The following ZNRD2 variants were observed in gnomAD, a reference collection of about 807,000 sequenced individuals.
The protein encoded by ZNRD2 is protein ZNRD2.
In ZNRD2, 16 loss-of-function variants were observed where a neutral mutation model predicts 22.0. That is an observed-to-expected ratio of 0.73 (90% confidence interval 0.49 to 1.11). ZNRD2 has a LOEUF of 1.11. ZNRD2 is among the 50% of genes least tolerant of loss of function. ZNRD2 has a pLI of 0.00. For missense variants in ZNRD2, 269 were observed against 258.9 expected, an observed-to-expected ratio of 1.04 and a Z score of -0.27; for synonymous variants, 105 against 109.8, an observed-to-expected ratio of 0.96 and a Z score of 0.27.
Position 65,570,976 on chromosome 11 carries a change from A to C in ZNRD2, c.256+6A>C. On this transcript the variant is annotated splice_donor_region_variant and intron_variant, in intron 3 of 3. Coordinates refer to ENST00000309328, the MANE Select transcript of ZNRD2 (RefSeq NM_006396.3). ...CGTGGATAAAGATAATCCCGGTAAG[A>C]GTAAAAAATAATCCGGGAGAGGGGC... The C allele has an allele frequency of 1.2e-6, 2 of 1,613,646 alleles. No homozygotes were observed. The highest frequency in any genetic ancestry group is 1.7e-6 in the Non-Finnish European group (2 of 1,179,614).
In ZNRD2 at chr11:65,571,447, T is replaced by A; in HGVS notation, c.313T>A (p.Ser105Thr). The change falls in exon 4 of 4, where the codon TCA becomes ACA. Residue 105 changes from serine to threonine, a missense_variant. Physicochemically the swap from Ser to Thr is moderately conservative, Grantham distance 58. Coordinates refer to ENST00000309328, the MANE Select transcript of ZNRD2 (RefSeq NM_006396.3). Reference protein sequence around the residue: ...QAREHQLASASELPLGSRPAP... With the variant: ...QAREHQLASATELPLGSRPAP... Reference sequence around the variant, plus strand: ...TCGGGAGCACCAGCTGGCCTCAGCCTCAGAGCTCCCCCTGGGCTCTCGACC... The same window carrying A: ...TCGGGAGCACCAGCTGGCCTCAGCCACAGAGCTCCCCCTGGGCTCTCGACC... 6.2e-7 allele frequency: 1 copy of A among 1,612,760 alleles called. No homozygotes were observed. Among genetic ancestry groups the A allele is most frequent in the Non-Finnish European group, 8.5e-7 (1 of 1,179,280 alleles).
Position 65,571,689 on chromosome 11 carries a change from C to T in ZNRD2, c.555C>T (p.Arg185=), listed in dbSNP as rs1857131551. The T allele has an allele frequency of 9.9e-6, 16 of 1,613,676 alleles. No individual in the cohort carries two copies. The highest frequency in any genetic ancestry group is 3.3e-5 in the South Asian group (3 of 91,082). ...GCATCCAGCTGTGTGGCCTTATCCG[C>T]GCATGTGCGGAGGCCCTGCGCAGCC... The part of the protein sequence containing the change: ...ETSIQLCGLI[R]ACAEALRSLQ... The change falls in exon 4 of 4, where the codon CGC becomes CGT. Residue 185 remains arginine (R), a synonymous_variant. Transcript: ENST00000309328.
chr11:65,571,577 A>T lies in ZNRD2; in HGVS notation c.443A>T (p.Asp148Val). ...PPAPAVPPNT[D>V]VMACTQTALL... is the part of the protein sequence containing the mutation. ...GCTCCTGCTGTGCCTCCAAATACAGATGTCATGGCCTGCACACAGACAGCC... is the reference window on the plus strand; with the variant it reads ...GCTCCTGCTGTGCCTCCAAATACAGTTGTCATGGCCTGCACACAGACAGCC... Residue 148 changes from aspartate (D) to valine (V), a missense_variant, in exon 4 of 4, where the codon GAT becomes GTT. By Grantham distance (152) the Asp-to-Val change is radical. Coordinates refer to ENST00000309328, the MANE Select transcript of ZNRD2 (RefSeq NM_006396.3). 6.2e-7 allele frequency: 1 copy of T among 1,614,058 alleles called. No homozygotes were observed. Among genetic ancestry groups the T allele is most frequent in the Non-Finnish European group, 8.5e-7 (1 of 1,180,024 alleles).
intron 3 of ZNRD2, 144 bp downstream of exon 3, chr11:65,571,114 T>G: frequency 1.2e-6 from 1 of 865,228 alleles, no homozygotes; most frequent in Non-Finnish European, 1.8e-6. Context: ...TTATTTCTCC[T>G]TTAGGCTCTA....
chr11:65,570,866 G>C lies in ZNRD2; in HGVS notation c.172-20G>C. 9 of 1,614,066 alleles carry C rather than the reference G, an allele frequency of 5.6e-6. No homozygotes were observed. The highest frequency in any genetic ancestry group is 7.6e-6 in the Non-Finnish European group (9 of 1,179,944). On this transcript the variant is annotated intron_variant, in intron 2 of 3. Transcript: ENST00000309328. ...ATTGCCGGCGTCTCATTCCGGCCCC[G>C]TGTGCTTTTTGGTCCGTAGACGATC...
At chr11:65,570,807 C>T (rs745695754) in intron 2 of ZNRD2, 52 bp downstream of exon 2, 3 of 1,612,582 alleles carry the variant, frequency 1.9e-6, no homozygotes, top group South Asian at 2.2e-5. Flanking sequence ...GGCCAGGCCA[C>T]TCAGCCCTTC....
At position 65,570,674 on chromosome 11, in the gene ZNRD2, G is replaced by T; in HGVS notation, c.90G>T (p.Arg30=). ...AGGTGCTGCAGGCGCGACGGGAGCG[G>T]CAAGATCGCATCTCCCGGCTCATGG... is the stretch of plus-strand genomic sequence containing the variant. ...ETKVLQARRE[R]QDRISRLMGD... is the part of the protein sequence containing the mutation. The change falls in exon 2 of 4, where the codon CGG becomes CGT. Residue 30 remains arginine (R), a synonymous_variant. Coordinates refer to ENST00000309328, the MANE Select transcript of ZNRD2 (RefSeq NM_006396.3). 1 of 1,613,800 alleles carries T rather than the reference G, an allele frequency of 6.2e-7. No homozygotes were observed.
rs989927220 is a variant in ZNRD2 at position 65,571,068 on chromosome 11, G to C, written c.256+98G>C. ...GGCCCGAGAACAGTAGGGCTGAGAG[G>C]TGACAGTGGAGTCTCTGGGTGGGGT... On this transcript the variant is annotated intron_variant, in intron 3 of 3. Transcript: ENST00000309328. 1.5e-5 allele frequency: 17 copies of C among 1,171,020 alleles called. No homozygotes were observed. In the South Asian group the frequency reaches 2.1e-4, roughly 15 times the overall value. The allele number at this position is 1,171,020 out of a possible 1,614,324, so 72.5% of individuals were successfully genotyped here.
At chr11:65,571,092 G>A (rs552562828) in intron 3 of ZNRD2, 122 bp downstream of exon 3, 3 of 970,018 alleles carry the variant, frequency 3.1e-6, no homozygotes, top group South Asian at 3.2e-5. Flanking sequence ...TCTGGGTGGG[G>A]TAGAAGTAAA....
At position 65,571,496 on chromosome 11, in the gene ZNRD2, G is replaced by A. The variant is rs1466178029; in HGVS notation, c.362G>A (p.Arg121His). 1.9e-6 allele frequency: 3 copies of A among 1,613,776 alleles called. No homozygotes were observed. The highest frequency in any genetic ancestry group is 3.3e-5 in the Admixed American group (2 of 60,024). Residue 121 changes from arginine to histidine, a missense_variant, in exon 4 of 4, where the codon CGT becomes CAT. Coordinates refer to ENST00000309328, the MANE Select transcript of ZNRD2 (RefSeq NM_006396.3). Reference protein sequence around the residue: ...SRPAPQPPVPRPEHCEGAAAG... With the variant: ...SRPAPQPPVPHPEHCEGAAAG... Reference sequence around the variant, plus strand: ...CCTGCGCCCCAGCCCCCAGTACCTCGTCCGGAGCACTGTGAGGGAGCTGCA... The same window carrying A: ...CCTGCGCCCCAGCCCCCAGTACCTCATCCGGAGCACTGTGAGGGAGCTGCA...
rs753600091 is a variant in ZNRD2 at position 65,571,347 on chromosome 11, G to T, written c.257-44G>T. On this transcript the variant is annotated intron_variant, in intron 3 of 3. Coordinates refer to ENST00000309328, the MANE Select transcript of ZNRD2 (RefSeq NM_006396.3). ...AAGGAGATGGCTCAGGGCTGAGGTG[G>T]GCCAGGCATCCTGACCATTCCACCC... 68 of 1,537,898 alleles carry T rather than the reference G, an allele frequency of 4.4e-5. No individual in the cohort carries two copies. The South Asian group carries it at 8.3e-4, about 19-fold the overall frequency.
rs367851900 is a variant in ZNRD2, at chr11:65,571,832, C to G, written c.*98C>G. The G allele has an allele frequency of 6.2e-6, 9 of 1,444,410 alleles. No individual in the cohort carries two copies. Among genetic ancestry groups the G allele is most frequent in the South Asian group, 2.9e-5 (2 of 67,880 alleles). 89.5% of individuals were successfully genotyped at this position (1,444,410 alleles called of 1,614,324 possible). ...AGTGTGCATGCCAGCCCCAGCTCCACTCACCTTTTTCCAGCTTTTGGCCTC... is the reference window on the plus strand; with the variant it reads ...AGTGTGCATGCCAGCCCCAGCTCCAGTCACCTTTTTCCAGCTTTTGGCCTC... On this transcript the variant is annotated 3_prime_UTR_variant, in exon 4 of 4. Transcript: ENST00000309328.
rs1857125463 is a variant in ZNRD2 at position 65,571,490 on chromosome 11, T to C, written c.356T>C (p.Val119Ala). 3 of 1,613,792 alleles carry C rather than the reference T, an allele frequency of 1.9e-6. No individual in the cohort carries two copies. Among genetic ancestry groups the C allele is most frequent in the African/African-American group, 1.3e-5 (1 of 75,050 alleles). Residue 119 changes from valine to alanine, a missense_variant, in exon 4 of 4, where the codon GTA becomes GCA. Coordinates refer to ENST00000309328, the MANE Select transcript of ZNRD2 (RefSeq NM_006396.3). The stretch of plus-strand genomic sequence containing the variant: ...TCTCGACCTGCGCCCCAGCCCCCAG[T>C]ACCTCGTCCGGAGCACTGTGAGGGA... Reference protein sequence around the residue: ...LGSRPAPQPPVPRPEHCEGAA... With the variant: ...LGSRPAPQPPAPRPEHCEGAA...
In ZNRD2 at chr11:65,571,717, C is replaced by A; in HGVS notation, c.583C>A (p.Gln195Lys). 1 of 1,609,302 alleles carries A rather than the reference C, an allele frequency of 6.2e-7. No homozygotes were observed. ...ATGTGCGGAGGCCCTGCGCAGCCTG[C>A]AGCAGCTACAGCACTAAGAGAAGCC... Reference protein sequence around the residue: ...RACAEALRSLQQLQH With the variant: ...RACAEALRSLKQLQH The change falls in exon 4 of 4, where the codon CAG (glutamine) becomes AAG (lysine). Residue 195 changes from glutamine (Q) to lysine (K), a missense_variant. Transcript: ENST00000309328.
In ZNRD2 at chr11:65,571,797, C is replaced by T; in HGVS notation, c.*63C>T. Reference sequence around the variant, plus strand: ...GTTCCTCTGTGTGGTTTGTTTTTTTCCTGGTTCCAAGTGTGCATGCCAGCC... The same window carrying T: ...GTTCCTCTGTGTGGTTTGTTTTTTTTCTGGTTCCAAGTGTGCATGCCAGCC... On this transcript the variant is annotated 3_prime_UTR_variant, in exon 4 of 4. Coordinates refer to ENST00000309328, the MANE Select transcript of ZNRD2 (RefSeq NM_006396.3). 2 of 1,476,452 alleles carry T rather than the reference C, an allele frequency of 1.4e-6. No homozygotes were observed. Among genetic ancestry groups the T allele is most frequent in the South Asian group, 2.8e-5 (2 of 72,052 alleles). The allele number at this position is 1,476,452 out of a possible 1,614,324, so 91.5% of individuals were successfully genotyped here. A position where few individuals can be genotyped will look rare whatever the true frequency, so the allele number is the denominator to read the frequency against.
chr11:65,571,341 G>A (rs1179063864), intron 3 of ZNRD2, 50 bp from the exon 4 acceptor site: 4 of 1,535,468 alleles, frequency 2.6e-6, no homozygotes, highest in Non-Finnish European at 3.5e-6. Context: ...GCTCAGGGCT[G>A]AGGTGGGCCA....
At position 65,570,524 on chromosome 11, in the gene ZNRD2, C is replaced by A; in HGVS notation, c.19+14C>A. 1 of 1,613,860 alleles carries A rather than the reference C, an allele frequency of 6.2e-7. No homozygotes were observed. Among genetic ancestry groups the A allele is most frequent in the Non-Finnish European group, 8.5e-7 (1 of 1,179,926 alleles). On this transcript the variant is annotated intron_variant, in intron 1 of 3. Transcript: ENST00000309328. ...TGAACGGAGCTGGTGAGGACCTGGG[C>A]GGCAGGGGTTTGTGGCTGTGAGGTA...
Position 65,571,804 on chromosome 11 carries a change from C to G in ZNRD2, c.*70C>G, listed in dbSNP as rs1051766327. The G allele has an allele frequency of 6.8e-7, 1 of 1,468,888 alleles. No individual in the cohort carries two copies. The highest frequency in any genetic ancestry group is 1.4e-5 in the African/African-American group (1 of 70,476). The allele number at this position is 1,468,888 out of a possible 1,614,324, so 91.0% of individuals were successfully genotyped here. ...TGTGTGGTTTGTTTTTTTCCTGGTT[C>G]CAAGTGTGCATGCCAGCCCCAGCTC... is the stretch of plus-strand genomic sequence containing the variant. On this transcript the variant is annotated 3_prime_UTR_variant, in exon 4 of 4. Transcript: ENST00000309328.
intron 3 of ZNRD2, 27 bp from the exon 4 acceptor site, chr11:65,571,364 A>G: frequency 1.3e-6 from 2 of 1,554,458 alleles, no homozygotes; most frequent in Non-Finnish European, 8.7e-7. Context: ...CATCCTGACC[A>G]TTCCACCCAC....
Sources: allele counts gnomAD v4.1 joint callset, GRCh38; gene constraint gnomAD v4.1.1; transcripts MANE v1.5; gene names NCBI Gene and HGNC (gene_info 2026-07-23, HGNC 2026-07-21).